MAMLD1: variants seen among roughly 807,000 people sequenced by gnomAD.
MAMLD1 encodes mastermind-like domain-containing protein 1.
In MAMLD1, 14 loss-of-function variants were observed where a neutral mutation model predicts 45.0. That is an observed-to-expected ratio of 0.31 (90% confidence interval 0.21 to 0.49). MAMLD1 has a LOEUF of 0.49. Ranked by LOEUF, MAMLD1 falls within the 20% of genes least tolerant of loss-of-function variation. MAMLD1 has a pLI of 0.99. For missense variants in MAMLD1, 543 were observed against 603.6 expected, an observed-to-expected ratio of 0.90 and a Z score of 1.05; for synonymous variants, 254 against 247.8, an observed-to-expected ratio of 1.02 and a Z score of -0.24.
Position 150,513,208 on chromosome X carries a change from G to A in MAMLD1, c.*1249G>A. The A allele has an allele frequency of 3.8e-6, 2 of 520,817 alleles. No individual in the cohort carries two copies. Among genetic ancestry groups the A allele is most frequent in the South Asian group, 8.6e-5 (2 of 23,294 alleles). 42.9% of individuals were successfully genotyped at this position (520,817 alleles called of 1,213,427 possible). ...CATGCTTATCCCTCTCTCTACCTGT[G>A]ACAAAATGGAAAGCTGGTGATTTTT... is the stretch of plus-strand genomic sequence containing the variant. On this transcript the variant is annotated 3_prime_UTR_variant, in exon 8 of 8. Coordinates refer to ENST00000370401, the MANE Select transcript of MAMLD1 (RefSeq NM_005491.5).
At chrX:150,481,387 A>G (rs782651548) in intron 5 of MAMLD1, among the ~76,000 whole-genome samples, 1 of 112,707 alleles carries the variant, frequency 8.9e-6, no homozygotes, top group African/African-American at 3.2e-5. Context: ...GATGGTGAGG[A>G]TGTGGAGAAA....
intron 3 of MAMLD1, among the ~76,000 whole-genome samples, chrX:150,463,393 C>T (rs1018191231): frequency 8.9e-6 from 1 of 111,929 alleles, no homozygotes; most frequent in Non-Finnish European, 1.9e-5. Context: ...GTGAGCAGCC[C>T]GTCTTGAAGG....
chrX:150,391,087 G>A (rs1014861943), intron 1 of MAMLD1, among the ~76,000 whole-genome samples: 1 of 111,599 alleles, frequency 9.0e-6, no homozygotes, highest in Non-Finnish European at 1.9e-5. Context: ...TGCTCATAAG[G>A]GTTTTTTTCT....
intron 1 of MAMLD1, among the ~76,000 whole-genome samples, chrX:150,397,501 T>C (rs1181566975): frequency 8.9e-6 from 1 of 111,768 alleles, no homozygotes; most frequent in Non-Finnish European, 1.9e-5. Context: ...TATTTCCTAT[T>C]GTGTATTCCC....
intron 1 of MAMLD1, among the ~76,000 whole-genome samples, chrX:150,389,392 TG>T (rs1470250814): frequency 8.9e-6 from 1 of 112,067 alleles, no homozygotes; most frequent in East Asian, 2.8e-4. Flanking sequence ...CCTCTTTGAC[TG>T]ATGGTTTATT....
At chrX:150,503,544 T>A in intron 6 of MAMLD1, 27 bp downstream of exon 6, 1 of 911,105 alleles carries the variant, frequency 1.1e-6, no homozygotes, top group Non-Finnish European at 1.6e-6. Flanking sequence ...TGAGCCTCGC[T>A]TTCCTCATCT....
At position 150,427,955 on chromosome X, in the gene MAMLD1, A is replaced by T. The variant is rs145554143; in HGVS notation, c.-63-17499A>T. On this transcript the variant is annotated intron_variant, in intron 1 of 7. Transcript: ENST00000370401. ...GTGGCAGCAAGGTAGATCTAGCTCC[A>T]ACTGGCACTTTGAGATGGGCATTAG... Among the ~76,000 whole-genome samples the T allele has an allele frequency of 5.9e-4, 65 of 111,082 alleles. 1 individual carries two copies. In the East Asian group the frequency reaches 0.015, roughly 26 times the overall value.
At chrX:150,481,964 A>AAAAGAAAGAAAGAAAGAAGAAAGAAAG (rs2036793249) in intron 5 of MAMLD1, among the ~76,000 whole-genome samples, 1 of 56,596 alleles carries the variant, frequency 1.8e-5, no homozygotes, top group Non-Finnish European at 3.3e-5. Context: ...AAAGAAAGAA[A>AAAAGAAAGAAAGAAAGAAGAAAGAAAG]AAAGAAAGAA....
chrX:150,363,508 C>G lies in MAMLD1; in HGVS notation c.-86C>G, dbSNP rs1557400574. On this transcript the variant is annotated 5_prime_UTR_variant, in exon 1 of 8. Transcript: ENST00000370401. ...CCCGCCCCTCGGACACTGCCCCCGCCGCCGCCGGAGCTCTGCAGCACGGTA... is the reference window on the plus strand; with the variant it reads ...CCCGCCCCTCGGACACTGCCCCCGCGGCCGCCGGAGCTCTGCAGCACGGTA... 8.9e-6 allele frequency: 1 copy of G among 112,395 alleles called. No homozygotes were observed. Among genetic ancestry groups the G allele is most frequent in the East Asian group, 2.8e-4 (1 of 3,542 alleles). 9.3% of individuals were successfully genotyped at this position (112,395 alleles called of 1,213,427 possible).
At chrX:150,465,245 A>G (rs782201141) in intron 3 of MAMLD1, among the ~76,000 whole-genome samples, 7 of 112,164 alleles carry the variant, frequency 6.2e-5, no homozygotes, top group Non-Finnish European at 1.3e-4. Context: ...TGCTCATTTC[A>G]TGGACTGTAT....
intron 3 of MAMLD1, 122 bp from the exon 4 acceptor site, chrX:150,469,622 TC>T: frequency 3.7e-6 from 2 of 538,732 alleles, no homozygotes; most frequent in Admixed American, 3.4e-5. Context: ...TCTCTCTCTC[TC>T]TCTTTCTCTC....
intron 7 of MAMLD1, among the ~76,000 whole-genome samples, chrX:150,510,989 G>T (rs897950343): frequency 6.2e-5 from 7 of 112,191 alleles, no homozygotes; most frequent in African/African-American, 2.3e-4. Context: ...ACCTTATAAG[G>T]CCAGATTGTA....
intron 1 of MAMLD1, among the ~76,000 whole-genome samples, chrX:150,393,810 A>C (rs2033289108): frequency 9.0e-6 from 1 of 111,636 alleles, no homozygotes; most frequent in Non-Finnish European, 1.9e-5. Flanking sequence ...GTTGAGTTTT[A>C]AGAGTTCTTT....
Position 150,445,455 on chromosome X carries a change from C to T in MAMLD1, c.-62C>T. On this transcript the variant is annotated splice_region_variant and 5_prime_UTR_variant, in exon 2 of 8. Transcript: ENST00000370401. ...CAGTGTACTTTTTGTCTCCCTAAGC[C>T]CTGTGTCTAGGTCGTTTGGGAAACG... 2 of 838,642 alleles carry T rather than the reference C, an allele frequency of 2.4e-6. No homozygotes were observed. The highest frequency in any genetic ancestry group is 2.1e-5 in the South Asian group (1 of 48,582). 69.1% of individuals were successfully genotyped at this position (838,642 alleles called of 1,213,427 possible).
intron 1 of MAMLD1, among the ~76,000 whole-genome samples, chrX:150,382,020 T>A (rs1461774428): frequency 6.3e-5 from 7 of 111,485 alleles, no homozygotes; most frequent in Admixed American, 1.9e-4. Flanking sequence ...ACAAAAAGAC[T>A]ATTTTGGGGG....
intron 1 of MAMLD1, among the ~76,000 whole-genome samples, chrX:150,401,389 A>G (rs1232742435): frequency 9.8e-6 from 1 of 101,544 alleles, no homozygotes. Flanking sequence ...CTTCAAGGAG[A>G]ACTACAAACC....
chrX:150,481,465 GTTCCTC>G (rs2036753158), intron 5 of MAMLD1, among the ~76,000 whole-genome samples: 1 of 112,333 alleles, frequency 8.9e-6, no homozygotes, highest in East Asian at 2.8e-4. Flanking sequence ...AAGTACGGCA[GTTCCTC>G]AAAAAATTAC....
chrX:150,385,475 A>C (rs1322113703), intron 1 of MAMLD1, among the ~76,000 whole-genome samples: 3 of 112,432 alleles, frequency 2.7e-5, no homozygotes, highest in African/African-American at 9.7e-5. Context: ...CATATGTTAT[A>C]TGTATTATAT....
intron 5 of MAMLD1, among the ~76,000 whole-genome samples, chrX:150,488,077 C>G (rs1438330545): frequency 8.9e-6 from 1 of 112,788 alleles, no homozygotes; most frequent in African/African-American, 3.2e-5. Context: ...CACAAACACA[C>G]AGCTGGAGAG....
Sources: allele counts gnomAD v4.1 joint callset (sites outside exome capture counted in the v4.1 genomes callset), GRCh38; gene constraint gnomAD v4.1.1; transcripts MANE v1.5; gene names NCBI Gene and HGNC (gene_info 2026-07-23, HGNC 2026-07-21).